FRK: variants seen among roughly 807,000 people sequenced by gnomAD.
FRK encodes the protein tyrosine-protein kinase FRK.
Under a neutral mutation model 56.4 loss-of-function variants are expected in FRK, and 51 were observed. That is an observed-to-expected ratio of 0.90 (90% CI 0.72 to 1.14). The LOEUF is 1.14. FRK is among the 50% of genes most tolerant of loss of function. The pLI is 0.00. For missense variants in FRK, 570 were observed against 601.4 expected, an observed-to-expected ratio of 0.95 and a Z score of 0.55; for synonymous variants, 245 against 217.9, an observed-to-expected ratio of 1.12 and a Z score of -1.10.
At chr6:116,032,605 C>T (rs1776340974) in intron 1 of FRK, among the ~76,000 whole-genome samples, 1 of 152,132 alleles carries the variant, frequency 6.6e-6, no homozygotes, top group African/African-American at 2.4e-5. Flanking sequence ...TGTTTAAACA[C>T]TTTACATTGT....
In FRK at chr6:115,933,598, A is replaced by G. The variant is rs1275334609; in HGVS notation, c.*8816T>C. On this transcript the variant is annotated 3_prime_UTR_variant, in exon 8 of 8. Transcript: ENST00000606080. ...GATAAACTTCTTTTCATATTTCAAA[A>G]TCAGATCTTACTTAAAAATTTATTA... 6.6e-6 allele frequency: 1 copy of G among 152,216 alleles called. No individual in the cohort carries two copies. The highest frequency in any genetic ancestry group is 2.4e-5 in the African/African-American group (1 of 41,474). 9.4% of individuals were successfully genotyped at this position (152,216 alleles called of 1,614,324 possible). A position where few individuals can be genotyped will look rare whatever the true frequency, so the allele number is the denominator to read the frequency against.
At chr6:116,095,621 G>A in the FRK span, among the ~76,000 whole-genome samples, 4 of 152,156 alleles carry the variant, frequency 2.6e-5, no homozygotes, top group Non-Finnish European at 5.9e-5. Context: ...GGTTAGAAAT[G>A]GCCACTGCTA....
At chr6:116,031,341 A>T (rs1776297901) in intron 1 of FRK, among the ~76,000 whole-genome samples, 1 of 152,206 alleles carries the variant, frequency 6.6e-6, no homozygotes, top group Non-Finnish European at 1.5e-5. Flanking sequence ...TTTGTTATAC[A>T]TATATCACCT....
In FRK at chr6:115,983,507, T is replaced by C. The variant is rs1357634362; in HGVS notation, c.467-14768A>G. On this transcript the variant is annotated intron_variant, in intron 2 of 7. Coordinates refer to ENST00000606080, the MANE Select transcript of FRK (RefSeq NM_002031.3). ...GCATTACCTTCTTACAGTATTTTTCTCCATCTAATACCATGACTCTATTTT... is the reference window on the plus strand; with the variant it reads ...GCATTACCTTCTTACAGTATTTTTCCCCATCTAATACCATGACTCTATTTT... 2.6e-5 allele frequency among the ~76,000 whole-genome samples: 4 copies of C among 152,184 alleles called. No individual in the cohort carries two copies. The East Asian group carries it at 7.7e-4, about 29-fold the overall frequency.
At chr6:116,050,946 C>T (rs919534625) in intron 1 of FRK, among the ~76,000 whole-genome samples, 4 of 152,116 alleles carry the variant, frequency 2.6e-5, no homozygotes, top group African/African-American at 4.8e-5. Context: ...CTGGAAGTTG[C>T]AGGGTGGTGT....
At chr6:116,040,167 C>A (rs981135651) in intron 1 of FRK, among the ~76,000 whole-genome samples, 7 of 151,760 alleles carry the variant, frequency 4.6e-5, no homozygotes, top group Non-Finnish European at 5.9e-5. Context: ...TATTTAAGAG[C>A]ATAATATTAA....
At chr6:116,055,132 T>C (rs1354901609) in intron 1 of FRK, among the ~76,000 whole-genome samples, 1 of 152,210 alleles carries the variant, frequency 6.6e-6, no homozygotes, top group Non-Finnish European at 1.5e-5. Flanking sequence ...TTTCCAAGAA[T>C]ATACCACTTT....
chr6:116,010,752 T>A (rs571894538), intron 1 of FRK, among the ~76,000 whole-genome samples: 5 of 152,338 alleles, frequency 3.3e-5, no homozygotes, highest in East Asian at 1.9e-4. Context: ...TTAAGAAGAA[T>A]GCTGCATGTA....
intron 2 of FRK, among the ~76,000 whole-genome samples, chr6:115,978,585 TACAC>T (rs959832022): frequency 3.9e-5 from 6 of 151,958 alleles, no homozygotes; most frequent in Non-Finnish European, 8.8e-5. Context: ...TAAAAACACA[TACAC>T]ACACACAACT....
intron 1 of FRK, among the ~76,000 whole-genome samples, chr6:116,044,573 G>A (rs1776862844): frequency 6.6e-6 from 1 of 152,126 alleles, no homozygotes; most frequent in East Asian, 1.9e-4. Flanking sequence ...AGGTATTGAT[G>A]AAATGTATCT....
chr6:115,958,716 A>AAAG (rs1773166404), intron 4 of FRK, among the ~76,000 whole-genome samples: 6 of 20,282 alleles, frequency 3.0e-4, no homozygotes, highest in African/African-American at 1.0e-3. Flanking sequence ...AGAAAGAAAG[A>AAAG]AAGAAAGAAA....
chr6:116,043,958 T>G (rs1185921517), intron 1 of FRK, among the ~76,000 whole-genome samples: 6 of 152,104 alleles, frequency 3.9e-5, no homozygotes, highest in Admixed American at 3.9e-4. Context: ...TATAAACACC[T>G]CTACACAAAT....
the FRK span, among the ~76,000 whole-genome samples, chr6:116,098,403 G>A: frequency 1.3e-5 from 2 of 152,096 alleles, no homozygotes; most frequent in East Asian, 1.9e-4. Flanking sequence ...GTGCCACGAC[G>A]CCAGGCAGAC....
rs140973893 is a variant in FRK, at chr6:115,976,555, C to G, written c.467-7816G>C. Reference sequence around the variant, plus strand: ...TGCAGATTTTTGTTTTTCAGCTGGTCTTCTGGCATCATCTGGGCATAGCCT... The same window carrying G: ...TGCAGATTTTTGTTTTTCAGCTGGTGTTCTGGCATCATCTGGGCATAGCCT... On this transcript the variant is annotated intron_variant, in intron 2 of 7. Transcript: ENST00000606080. Among the ~76,000 whole-genome samples the G allele has an allele frequency of 3.3e-5, 5 of 152,218 alleles. No homozygotes were observed. In the East Asian group the frequency reaches 9.7e-4, roughly 29 times the overall value.
chr6:116,074,452 C>T, the FRK span, among the ~76,000 whole-genome samples: 3 of 152,072 alleles, frequency 2.0e-5, no homozygotes, highest in Admixed American at 6.6e-5. Context: ...ATGAAACTAA[C>T]GTAACCAGTT....
chr6:115,957,483 C>T (rs190424986), intron 4 of FRK, among the ~76,000 whole-genome samples: 3 of 152,338 alleles, frequency 2.0e-5, no homozygotes, highest in East Asian at 1.9e-4. Context: ...TGTCATTTCA[C>T]ATCTTAGTAT....
At chr6:116,072,111 G>A in the FRK span, among the ~76,000 whole-genome samples, 1 of 152,088 alleles carries the variant, frequency 6.6e-6, no homozygotes, top group African/African-American at 2.4e-5. Context: ...ACAAATAGTT[G>A]TAGAAATAAT....
chr6:115,990,399 T>C (rs1774552251), intron 2 of FRK, among the ~76,000 whole-genome samples: 2 of 151,990 alleles, frequency 1.3e-5, no homozygotes, highest in African/African-American at 4.8e-5. Context: ...ATAGGACTTT[T>C]ATAGGTTCAA....
intron 2 of FRK, among the ~76,000 whole-genome samples, chr6:115,996,118 T>C (rs979550110): frequency 5.3e-5 from 8 of 152,190 alleles, no homozygotes; most frequent in African/African-American, 1.9e-4. Context: ...AGAAGTTTCA[T>C]TGCATAATAA....
Sources: gnomAD v4.1 joint callset for allele counts (sites outside exome capture counted in the v4.1 genomes callset) on GRCh38, gnomAD v4.1.1 for gene constraint, MANE v1.5 for transcripts, NCBI Gene and HGNC (gene_info 2026-07-23, HGNC 2026-07-21) for gene names.